Variants in ZNF10 observed in about 807,000 individuals in gnomAD.
The protein encoded by ZNF10 is zinc finger protein 10.
In ZNF10, 8 loss-of-function variants were observed where a neutral mutation model predicts 12.2. The ratio of observed to expected loss-of-function variants is 0.66; its 90% confidence interval spans 0.39 to 1.18. The LOEUF (loss-of-function observed/expected upper bound fraction) is 1.18, where lower values mean the gene tolerates loss of function less well. Ranked by LOEUF, ZNF10 falls within the 50% of genes most tolerant of loss-of-function variation. The pLI, the probability that ZNF10 is intolerant of heterozygous loss-of-function variation, is 0.01. For missense variants in ZNF10, 603 were observed against 678.9 expected, an observed-to-expected ratio of 0.89 and a Z score of 1.24; for synonymous variants, 229 against 228.2, an observed-to-expected ratio of 1.00 and a Z score of -0.03.
At chr12:133,145,046 C>A (rs1470704444) in intron 2 of ZNF10, 2 of 298,640 alleles carry the variant, frequency 6.7e-6, no homozygotes, top group Non-Finnish European at 1.3e-5. Flanking sequence ...CTATGCCTGG[C>A]TAAATTTTTG....
At chr12:133,150,926 G>A in intron 2 of ZNF10, 102 bp from the exon 3 acceptor site, 2 of 1,429,082 alleles carry the variant, frequency 1.4e-6, no homozygotes, top group Non-Finnish European at 1.9e-6. Flanking sequence ...CACTTTACCT[G>A]CCCCAGTGCT....
chr12:133,147,808 A>C (rs1244110212), intron 2 of ZNF10, among the ~76,000 whole-genome samples: 1 of 110,998 alleles, frequency 9.0e-6, no homozygotes, highest in Non-Finnish European at 1.9e-5. Context: ...TTTGTATTTT[A>C]GTAGAGACGG....
intron 2 of ZNF10, chr12:133,145,009 A>G (rs959645939): frequency 1.7e-5 from 6 of 352,356 alleles, no homozygotes; most frequent in African/African-American, 6.6e-5. Flanking sequence ...CAGCCTCCCA[A>G]GTAGCTGGGA....
chr12:133,155,149 C>T (rs1956031555), intron 4 of ZNF10, among the ~76,000 whole-genome samples: 2 of 151,678 alleles, frequency 1.3e-5, no homozygotes, highest in Admixed American at 1.3e-4. Flanking sequence ...AAAGTCCTGA[C>T]AACAAGTAGA....
intron 1 of ZNF10, among the ~76,000 whole-genome samples, chr12:133,134,312 CAA>C (rs922562262): frequency 7.2e-6 from 1 of 138,410 alleles, no homozygotes. Flanking sequence ...GACTCCCTCT[CAA>C]AAAAAAAAAG....
intron 2 of ZNF10, chr12:133,144,884 C>CT (rs1387905538): frequency 4.4e-6 from 2 of 457,136 alleles, no homozygotes; most frequent in Non-Finnish European, 8.8e-6. Flanking sequence ...AACAGTTATT[C>CT]TTTTTTTGTT....
intron 1 of ZNF10, among the ~76,000 whole-genome samples, chr12:133,142,023 A>G (rs979750605): frequency 6.6e-6 from 1 of 152,226 alleles, no homozygotes; most frequent in Admixed American, 6.5e-5. Context: ...GAGTGGAACT[A>G]TATCTACAAA....
Position 133,155,671 on chromosome 12 carries a change from A to T in ZNF10, c.425A>T (p.Asn142Ile). 1 of 1,613,152 alleles carries T rather than the reference A, an allele frequency of 6.2e-7. No individual in the cohort carries two copies. Among genetic ancestry groups the T allele is most frequent in the Non-Finnish European group, 8.5e-7 (1 of 1,179,782 alleles). The change falls in exon 5 of 5, where the codon AAC (asparagine) becomes ATC (isoleucine). Residue 142 changes from asparagine to isoleucine, a missense_variant. This residue lies in a region of ZNF10 where 393 missense variants were observed against 399.7 expected (regional missense o/e 0.98). Coordinates refer to ENST00000248211, the MANE Select transcript of ZNF10 (RefSeq NM_015394.5). ...CRDQLDKYQE[N>I]PERHLRQVAF... ...GACCAGTTAGACAAGTATCAGGAAAACCCAGAGAGACATTTGAGGCAAGTG... is the reference window on the plus strand; with the variant it reads ...GACCAGTTAGACAAGTATCAGGAAATCCCAGAGAGACATTTGAGGCAAGTG...
At chr12:133,134,041 G>A (rs538617179) in intron 1 of ZNF10, among the ~76,000 whole-genome samples, 18 of 151,756 alleles carry the variant, frequency 1.2e-4, no homozygotes, top group African/African-American at 3.6e-4. Flanking sequence ...GCTCACGCCT[G>A]TAATCCCAGC....
At position 133,155,926 on chromosome 12, in the gene ZNF10, A is replaced by G. The variant is rs11147259; in HGVS notation, c.680A>G (p.Gln227Arg). ...TTCTGTCAAAACATTCACCTTATTC[A>G]GTTTGCAAGAACTCACACAGGTGAT... is the stretch of plus-strand genomic sequence containing the variant. ...QTFCQNIHLI[Q>R]FARTHTGDKS... Residue 227 changes from glutamine to arginine, a missense_variant, in exon 5 of 5, where the codon CAG (glutamine) becomes CGG (arginine). Gln to Arg is a conservative substitution (Grantham distance 43). This residue lies in a region of ZNF10 where 393 missense variants were observed against 399.7 expected (regional missense o/e 0.98). Coordinates refer to ENST00000248211, the MANE Select transcript of ZNF10 (RefSeq NM_015394.5). 77,184 of 1,614,008 alleles carry G rather than the reference A, an allele frequency of 0.048. 2,573 individuals carry two copies. Among genetic ancestry groups the G allele is most frequent in the African/African-American group, 0.16 (12,214 of 75,020 alleles).
chr12:133,156,916 C>T lies in ZNF10; in HGVS notation c.1670C>T (p.Thr557Ile). Residue 557 changes from threonine (T) to isoleucine (I), a missense_variant, in exon 5 of 5, where the codon ACC (threonine) becomes ATC (isoleucine). By Grantham distance (89) the Thr-to-Ile change is moderately conservative. Around this residue, in one of 3 missense-constraint regions of ZNF10, gnomAD observed 204 missense variants for 262.8 expected, o/e 0.78. Transcript: ENST00000248211. ...CAATGTGGGACAGCGCTTGTTAATA[C>T]CTCTAACCTTATTGGATACCAGACA... ...CNQCGTALVNTSNLIGYQTNH... is the reference protein window; with the variant it reads ...CNQCGTALVNISNLIGYQTNH... 1.4e-6 allele frequency: 2 copies of T among 1,473,738 alleles called. No homozygotes were observed. The highest frequency in any genetic ancestry group is 9.0e-7 in the Non-Finnish European group (1 of 1,112,618). 91.3% of individuals were successfully genotyped at this position (1,473,738 alleles called of 1,614,324 possible).
At chr12:133,140,213 A>G (rs1211487134) in intron 1 of ZNF10, among the ~76,000 whole-genome samples, 2 of 141,762 alleles carry the variant, frequency 1.4e-5, no homozygotes, top group South Asian at 2.4e-4. Context: ...AAAAAAAAAA[A>G]AAAAAAAAAA....
intron 1 of ZNF10, among the ~76,000 whole-genome samples, chr12:133,133,850 G>A (rs757867666): frequency 3.9e-4 from 60 of 152,212 alleles, no homozygotes; most frequent in African/African-American, 1.3e-3. Context: ...CAAAATAATG[G>A]CTCCCCAGAG....
intron 1 of ZNF10, chr12:133,139,068 A>AAACAG (rs1357988176): frequency 3.9e-5 from 6 of 152,222 alleles, no homozygotes; most frequent in African/African-American, 1.2e-4. Flanking sequence ...AAAGGATTAA[A>AAACAG]AACAGGGTAA....
At chr12:133,138,902 A>G (rs1184267764) in intron 1 of ZNF10, among the ~76,000 whole-genome samples, 1 of 152,222 alleles carries the variant, frequency 6.6e-6, no homozygotes, top group East Asian at 1.9e-4. Context: ...TAACTCTGGC[A>G]TTCTGACTCC....
At chr12:133,153,382 AG>A (rs1350199938) in intron 4 of ZNF10, among the ~76,000 whole-genome samples, 14 of 152,218 alleles carry the variant, frequency 9.2e-5, no homozygotes, top group Admixed American at 8.5e-4. Flanking sequence ...GGAAGATTTT[AG>A]GATATTAATA....
chr12:133,134,799 C>T (rs1023159214), intron 1 of ZNF10, among the ~76,000 whole-genome samples: 2 of 115,614 alleles, frequency 1.7e-5, no homozygotes, highest in African/African-American at 7.5e-5. Context: ...TTTATGTTCA[C>T]AAATAGAATT....
intron 1 of ZNF10, among the ~76,000 whole-genome samples, chr12:133,142,876 C>CA (rs755719012): frequency 9.2e-5 from 14 of 152,208 alleles, no homozygotes; most frequent in Non-Finnish European, 1.8e-4. Flanking sequence ...TGTAGGAACT[C>CA]AAACAGATAC....
rs779945647 is a variant in ZNF10 at position 133,158,833 on chromosome 12, T to C, written c.*1865T>C. The C allele has an allele frequency of 6.6e-6, 1 of 152,200 alleles. No homozygotes were observed. Among genetic ancestry groups the C allele is most frequent in the African/African-American group, 2.4e-5 (1 of 41,442 alleles). 9.4% of individuals were successfully genotyped at this position (152,200 alleles called of 1,614,324 possible). On this transcript the variant is annotated 3_prime_UTR_variant, in exon 5 of 5. Coordinates refer to ENST00000248211, the MANE Select transcript of ZNF10 (RefSeq NM_015394.5). ...GCAGCCTCTAGCTCATACTTGTCGTTGTACAATTGAGATCAAGTGAATTGG... is the reference window on the plus strand; with the variant it reads ...GCAGCCTCTAGCTCATACTTGTCGTCGTACAATTGAGATCAAGTGAATTGG...
Sources: allele counts gnomAD v4.1 joint callset (sites outside exome capture counted in the v4.1 genomes callset), GRCh38; gene constraint gnomAD v4.1.1; regional missense constraint gnomAD v4.1.1; transcripts MANE v1.5; gene names NCBI Gene and HGNC (gene_info 2026-07-23, HGNC 2026-07-21).